The following DNAJC1 variants were observed in gnomAD, a reference collection of about 807,000 sequenced individuals.
DNAJC1 encodes dnaJ homolog subfamily C member 1.
A neutral mutation model predicts 76.6 loss-of-function variants in DNAJC1; 58 were observed. The observed-to-expected ratio is 0.76, with a 90% CI of 0.61 to 0.94. The LOEUF (loss-of-function observed/expected upper bound fraction) is 0.94. Ranked by LOEUF, DNAJC1 falls within the 40% of genes least tolerant of loss-of-function variation. The probability of loss-of-function intolerance (pLI) is 0.00; values close to 1 mark genes in which losing one functional copy is unlikely to be tolerated. For synonymous variants in DNAJC1, 258 were observed against 267.9 expected (o/e 0.96, Z 0.36); for missense variants, 689 against 677.3 (o/e 1.02, Z -0.19).
chr10:21,771,817 G>T (rs1024217541), intron 9 of DNAJC1, among the ~76,000 whole-genome samples: 1 of 152,162 alleles, frequency 6.6e-6, no homozygotes, highest in African/African-American at 2.4e-5. Flanking sequence ...CTCTTGAGAT[G>T]ATCGTGTGAT....
At chr10:21,863,684 T>C (rs1162871065) in intron 8 of DNAJC1, among the ~76,000 whole-genome samples, 2 of 152,082 alleles carry the variant, frequency 1.3e-5, no homozygotes, top group African/African-American at 4.8e-5. Flanking sequence ...TCAAGTCTGG[T>C]TTAGGATTTT....
chr10:21,889,871 G>C (rs943561680), intron 7 of DNAJC1, among the ~76,000 whole-genome samples: 1 of 152,188 alleles, frequency 6.6e-6, no homozygotes, highest in African/African-American at 2.4e-5. Context: ...ACAGAAAGTA[G>C]TGTTACCCCC....
chr10:21,841,883 G>T (rs894470389), intron 8 of DNAJC1, among the ~76,000 whole-genome samples: 1 of 152,098 alleles, frequency 6.6e-6, no homozygotes, highest in Non-Finnish European at 1.5e-5. Flanking sequence ...TGAAGAAAAT[G>T]TGGCATATAT....
intron 8 of DNAJC1, among the ~76,000 whole-genome samples, chr10:21,833,289 G>A (rs1835391524): frequency 6.6e-6 from 1 of 151,988 alleles, no homozygotes; most frequent in African/African-American, 2.4e-5. Context: ...GGCCAACACA[G>A]TGAAACCCCA....
At chr10:22,001,549 C>T (rs1838519046) in intron 1 of DNAJC1, among the ~76,000 whole-genome samples, 1 of 152,124 alleles carries the variant, frequency 6.6e-6, no homozygotes, top group Non-Finnish European at 1.5e-5. Flanking sequence ...TCATCTTTGC[C>T]CAGAGAGTCA....
In DNAJC1 at chr10:21,981,039, ACT is replaced by A. The variant is rs1838147679; in HGVS notation, c.222+22172_222+22173del. 2.0e-5 allele frequency among the ~76,000 whole-genome samples: 3 copies of A among 152,076 alleles called. No individual in the cohort carries two copies. In the South Asian group the frequency reaches 6.2e-4, roughly 32 times the overall value. On this transcript the variant is annotated intron_variant, in intron 1 of 11. Transcript: ENST00000376980. ...ATTTCTCATTTTCTGTGATCAAGTC[ACT>A]CTCTGTTTCTATGTTTATTAATGCA...
intron 1 of DNAJC1, among the ~76,000 whole-genome samples, chr10:21,963,461 G>A (rs1837836225): frequency 6.6e-6 from 1 of 152,168 alleles, no homozygotes; most frequent in African/African-American, 2.4e-5. Flanking sequence ...TTAAAAGATT[G>A]TTTTAAGTTA....
chr10:21,800,870 T>C (rs1278496950), intron 9 of DNAJC1, among the ~76,000 whole-genome samples: 4 of 152,160 alleles, frequency 2.6e-5, no homozygotes, highest in African/African-American at 7.2e-5. Flanking sequence ...GCTATGAACA[T>C]AGAGTTTTAT....
chr10:21,829,792 A>G (rs1443124852), intron 8 of DNAJC1, among the ~76,000 whole-genome samples: 3 of 152,170 alleles, frequency 2.0e-5, no homozygotes, highest in African/African-American at 7.2e-5. Flanking sequence ...ATTTATTGTG[A>G]TTGAAATATT....
intron 1 of DNAJC1, among the ~76,000 whole-genome samples, chr10:21,968,401 C>T (rs945878289): frequency 3.9e-5 from 6 of 152,044 alleles, no homozygotes; most frequent in Admixed American, 1.3e-4. Flanking sequence ...TACCCAAGAT[C>T]GTAAAATTGG....
At chr10:21,836,285 T>C (rs1448741074) in intron 8 of DNAJC1, among the ~76,000 whole-genome samples, 1 of 152,132 alleles carries the variant, frequency 6.6e-6, no homozygotes, top group South Asian at 2.1e-4. Context: ...CTGAGAGATT[T>C]TGTCACCACC....
intron 8 of DNAJC1, among the ~76,000 whole-genome samples, chr10:21,859,886 C>T (rs1299444008): frequency 6.6e-6 from 1 of 151,934 alleles, no homozygotes; most frequent in African/African-American, 2.4e-5. Flanking sequence ...CGGGTTCAAG[C>T]GATTCTCCTG....
rs1163780486 is a variant in DNAJC1 at position 21,882,299 on chromosome 10, G to A, written c.961C>T (p.Arg321Ter). The A allele has an allele frequency of 3.8e-6, 6 of 1,592,920 alleles. No homozygotes were observed. Among genetic ancestry groups the A allele is most frequent in the East Asian group, 2.3e-5 (1 of 44,194 alleles). ...TTATTTACCTGTTTTTTCTGTGTTC[G>A]GTTCCTGTTTTCCAACCAATCATCC... ...QMDDWLENRN[R>*]TQKKQAPEWT... Residue 321 changes from arginine to a stop codon, truncating the protein, a stop_gained, in exon 8 of 12, where the codon CGA becomes TGA. Coordinates refer to ENST00000376980, the MANE Select transcript of DNAJC1 (RefSeq NM_022365.4). LOFTEE classifies it high-confidence loss of function.
At chr10:21,858,429 G>C (rs1213605205) in intron 8 of DNAJC1, among the ~76,000 whole-genome samples, 1 of 152,168 alleles carries the variant, frequency 6.6e-6, no homozygotes, top group Non-Finnish European at 1.5e-5. Context: ...TACTTTAAAA[G>C]ACCTTTCTTT....
chr10:21,847,568 C>T lies in DNAJC1; in HGVS notation c.978+34714G>A, dbSNP rs973662807. Among the ~76,000 whole-genome samples, 5 of 152,128 alleles carry T rather than the reference C, an allele frequency of 3.3e-5. No homozygotes were observed. In the South Asian group the frequency reaches 1.0e-3, roughly 31 times the overall value. On this transcript the variant is annotated intron_variant, in intron 8 of 11. Transcript: ENST00000376980. ...CTAACTGTATTTTTGCAACCGCTAA[C>T]CAGCCTCTCTTCATCATCCCTCCCT... is the stretch of plus-strand genomic sequence containing the variant.
At chr10:21,867,732 C>T (rs925265832) in intron 8 of DNAJC1, among the ~76,000 whole-genome samples, 12 of 152,172 alleles carry the variant, frequency 7.9e-5, no homozygotes, top group African/African-American at 2.9e-4. Flanking sequence ...AAATCACACA[C>T]CTACCAGTAT....
intron 8 of DNAJC1, among the ~76,000 whole-genome samples, chr10:21,827,139 C>A (rs1002760848): frequency 6.6e-6 from 1 of 152,024 alleles, no homozygotes; most frequent in South Asian, 2.1e-4. Context: ...AATGTTTGGA[C>A]GTTTTCAGTG....
At chr10:21,842,035 G>T (rs1564805205) in intron 8 of DNAJC1, among the ~76,000 whole-genome samples, 1 of 145,928 alleles carries the variant, frequency 6.9e-6, no homozygotes, top group Non-Finnish European at 1.5e-5. Context: ...CTCATAGGTG[G>T]GAACTGAACA....
Position 21,806,067 on chromosome 10 carries a change from T to A in DNAJC1, c.1011A>T (p.Gln337His), listed in dbSNP as rs371687906. The change falls in exon 9 of 12, where the codon CAA becomes CAT. Residue 337 changes from glutamine (Q) to histidine (H), a missense_variant. Coordinates refer to ENST00000376980, the MANE Select transcript of DNAJC1 (RefSeq NM_022365.4). ...GGAACTTAACCATACTTCTTGTCAG[T>A]TGGCTGAGGTCCTCTTCTGTCCATT... Reference protein sequence around the residue: ...APEWTEEDLSQLTRSMVKFPG... With the variant: ...APEWTEEDLSHLTRSMVKFPG... 1 of 1,612,142 alleles carries A rather than the reference T, an allele frequency of 6.2e-7. No individual in the cohort carries two copies. Among genetic ancestry groups the A allele is most frequent in the African/African-American group, 1.3e-5 (1 of 74,846 alleles).
Sources: gnomAD v4.1 joint callset for allele counts (sites outside exome capture counted in the v4.1 genomes callset) on GRCh38, gnomAD v4.1.1 for gene constraint, MANE v1.5 for transcripts, NCBI Gene and HGNC (gene_info 2026-07-23, HGNC 2026-07-21) for gene names.